The following ANKRD30A variants were observed in gnomAD, a reference collection of about 807,000 sequenced individuals.
ANKRD30A encodes ankyrin repeat domain 30A, also known as ankyrin repeat domain-containing protein 30A.
ANKRD30A carries 170 observed loss-of-function variants against 166.3 expected under a neutral mutation model. That is an observed-to-expected ratio of 1.02 (90% CI 0.90 to 1.16). The LOEUF (loss-of-function observed/expected upper bound fraction) is 1.16, where lower values mean the gene tolerates loss of function less well. ANKRD30A is among the 50% of genes most tolerant of loss of function. The pLI is 0.00. For missense variants in ANKRD30A, 1,630 were observed against 1,518.0 expected (o/e 1.07, Z -1.23); for synonymous variants, 564 against 508.9 (o/e 1.11, Z -1.46).
At chr10:37,235,222 T>C (rs1288221294), downstream of ANKRD30A, among the ~76,000 whole-genome samples, 3 of 152,214 alleles carry the variant, frequency 2.0e-5, no homozygotes, top group African/African-American at 4.8e-5. Flanking sequence ...CAAATTCTTC[T>C]AATTCTTCTT....
intron 2 of ANKRD30A, 51 bp from the exon 3 acceptor site, chr10:37,130,154 T>TTATATATAAATTATA: frequency 8.5e-7 from 1 of 1,182,604 alleles, no homozygotes; most frequent in Non-Finnish European, 1.1e-6. Flanking sequence ...TTATAATAAT[T>TTATATATAAATTATA]TATATTATAA....
In ANKRD30A at chr10:37,166,626, CAGA is replaced by C; in HGVS notation, c.2089_2091del (p.Lys697del). ...ACAGAGTCTCTGTGAGACTGTTTCA[CAGA>C]AGGATGTGTGTTTACCCAAGGCTGC... On this transcript the variant is annotated inframe_deletion, in exon 19 of 36. Transcript: ENST00000361713. 6.3e-7 allele frequency: 1 copy of C among 1,597,068 alleles called. No homozygotes were observed. Among genetic ancestry groups the C allele is most frequent in the South Asian group, 1.1e-5 (1 of 88,362 alleles).
intron 21 of ANKRD30A, among the ~76,000 whole-genome samples, chr10:37,171,394 T>C (rs1839551021): frequency 6.7e-6 from 1 of 148,392 alleles, no homozygotes; most frequent in Non-Finnish European, 1.5e-5. Flanking sequence ...AATACACGAA[T>C]TGGAAAAGTC....
chr10:37,146,696 C>A (rs1412171855), intron 8 of ANKRD30A, among the ~76,000 whole-genome samples: 1 of 152,136 alleles, frequency 6.6e-6, no homozygotes, highest in Non-Finnish European at 1.5e-5. Flanking sequence ...TGAGTCAATA[C>A]CCTTAGAGGG....
intron 30 of ANKRD30A, among the ~76,000 whole-genome samples, chr10:37,200,173 C>T (rs1214601506): frequency 2.0e-5 from 3 of 151,982 alleles, no homozygotes; most frequent in Non-Finnish European, 4.4e-5. Context: ...CATAGAGAGA[C>T]AGTTTAAGCT....
intron 21 of ANKRD30A, among the ~76,000 whole-genome samples, chr10:37,172,104 G>A (rs575355190): frequency 1.5e-5 from 2 of 135,294 alleles, no homozygotes; most frequent in East Asian, 4.0e-4. Flanking sequence ...CCAGCACGTT[G>A]GGAGGCCGTG....
the ANKRD30A span, among the ~76,000 whole-genome samples, chr10:37,259,698 A>G: frequency 6.6e-6 from 1 of 152,252 alleles, no homozygotes; most frequent in Non-Finnish European, 1.5e-5. Context: ...AACAACATGG[A>G]TAAATCTTAC....
Position 37,165,146 on chromosome 10 carries a change from G to A in ANKRD30A, c.2055G>A (p.Trp685Ter). 1 of 1,607,654 alleles carries A rather than the reference G, an allele frequency of 6.2e-7. No homozygotes were observed. The highest frequency in any genetic ancestry group is 8.5e-7 in the Non-Finnish European group (1 of 1,174,706). ...AAAAGGACTATGAAGAAAATTCTTGGGATACTGAGGTACTGTGTGTTGTTG... is the reference window on the plus strand; with the variant it reads ...AAAAGGACTATGAAGAAAATTCTTGAGATACTGAGGTACTGTGTGTTGTTG... The part of the protein sequence containing the change: ...SKQKDYEENS[W>*]DTESLCETVS... The change falls in exon 18 of 36, where the codon TGG (tryptophan) becomes TGA (stop). Residue 685 changes from tryptophan to a stop codon, truncating the protein, a stop_gained. Coordinates refer to ENST00000361713, the MANE Select transcript of ANKRD30A (RefSeq NM_052997.3). LOFTEE classifies it high-confidence loss of function.
intron 6 of ANKRD30A, among the ~76,000 whole-genome samples, chr10:37,141,252 C>A (rs1233248160): frequency 1.3e-5 from 2 of 151,810 alleles, no homozygotes; most frequent in Non-Finnish European, 2.9e-5. Context: ...CCTTTTATAT[C>A]CAAGGTGAAG....
At chr10:37,246,330 A>G in the ANKRD30A span, among the ~76,000 whole-genome samples, 1 of 152,176 alleles carries the variant, frequency 6.6e-6, no homozygotes, top group South Asian at 2.1e-4. Flanking sequence ...TGTTAATCTA[A>G]CCTTGCATTT....
At chr10:37,224,764 C>T (rs182324205) in intron 34 of ANKRD30A, among the ~76,000 whole-genome samples, 9 of 151,536 alleles carry the variant, frequency 5.9e-5, no homozygotes, top group Admixed American at 2.0e-4. Flanking sequence ...AGATCTCTTC[C>T]TACAACAGTC....
At chr10:37,215,454 G>T (rs1009139035) in intron 31 of ANKRD30A, among the ~76,000 whole-genome samples, 1 of 151,326 alleles carries the variant, frequency 6.6e-6, no homozygotes, top group African/African-American at 2.4e-5. Context: ...CCCCTCCTCA[G>T]TGTTTTGTTC....
chr10:37,226,537 A>G (rs1458989689), intron 34 of ANKRD30A, among the ~76,000 whole-genome samples: 1 of 151,622 alleles, frequency 6.6e-6, no homozygotes, highest in Admixed American at 6.6e-5. Context: ...ATTTCTTCTT[A>G]CTGCTGAGTA....
intron 25 of ANKRD30A, among the ~76,000 whole-genome samples, chr10:37,191,064 A>G (rs909577265): frequency 6.6e-6 from 1 of 151,860 alleles, no homozygotes; most frequent in Admixed American, 6.6e-5. Flanking sequence ...TAGGTATTTT[A>G]CTGATTTTAA....
At chr10:37,152,207 C>G in intron 12 of ANKRD30A, 86 bp downstream of exon 12, 1 of 1,147,950 alleles carries the variant, frequency 8.7e-7, no homozygotes, top group East Asian at 2.5e-5. Context: ...TATTTTCTCG[C>G]CTCTTCATAT....
downstream of ANKRD30A, among the ~76,000 whole-genome samples, chr10:37,235,765 C>CT (rs947216787): frequency 0.011 from 1,292 of 114,850 alleles, 18 homozygotes; most frequent in East Asian, 0.015. Flanking sequence ...ATTTCATTCT[C>CT]TTTTTTTTTT....
chr10:37,193,909 A>G (rs1324637190), intron 27 of ANKRD30A, among the ~76,000 whole-genome samples: 1 of 152,158 alleles, frequency 6.6e-6, no homozygotes, highest in Non-Finnish European at 1.5e-5. Context: ...AACATTTTAC[A>G]ATAGGCCGTG....
chr10:37,262,872 G>C, the ANKRD30A span, among the ~76,000 whole-genome samples: 35 of 151,992 alleles, frequency 2.3e-4, no homozygotes, highest in African/African-American at 8.0e-4. Flanking sequence ...ATCATCAAGA[G>C]ACAGCCACTA....
intron 5 of ANKRD30A, among the ~76,000 whole-genome samples, chr10:37,135,048 T>G (rs1836597657): frequency 6.6e-6 from 1 of 152,204 alleles, no homozygotes. Context: ...AAGTGATTCT[T>G]TTTTCCTAAA....
Sources: allele counts gnomAD v4.1 joint callset (sites outside exome capture counted in the v4.1 genomes callset), GRCh38; gene constraint gnomAD v4.1.1; transcripts MANE v1.5; gene names NCBI Gene and HGNC (gene_info 2026-07-23, HGNC 2026-07-21).